Variants in NEXN observed in about 807,000 individuals in gnomAD.
NEXN encodes the protein nexilin.
Under a neutral mutation model 92.6 loss-of-function variants are expected in NEXN, and 65 were observed. The observed-to-expected ratio is 0.70, with a 90% CI of 0.57 to 0.86. The LOEUF (loss-of-function observed/expected upper bound fraction) is 0.86, where lower values mean the gene tolerates loss of function less well. Ranked by LOEUF, NEXN falls within the 40% of genes least tolerant of loss-of-function variation. The probability of loss-of-function intolerance (pLI) is 0.00; values close to 1 mark genes in which losing one functional copy is unlikely to be tolerated. For missense variants in NEXN, 778 were observed against 771.1 expected (o/e 1.01, Z -0.11); for synonymous variants, 254 against 242.5 (o/e 1.05, Z -0.44).
Position 77,935,833 on chromosome 1 carries a change from A to C in NEXN, c.1262A>C (p.Glu421Ala). ...TAATTTTTTTTGAAGGAAGAGGAAG[A>C]AAATGAAACCTTTGGATTGAGCAGA... ...LRQEMGEEEEENETFGLSREY... is the reference protein window; with the variant it reads ...LRQEMGEEEEANETFGLSREY... Residue 421 changes from glutamate to alanine, a missense_variant, in exon 11 of 13, where the codon GAA (glutamate) becomes GCA (alanine). This residue lies in a region of NEXN where 532 missense variants were observed against 476.7 expected (regional missense o/e 1.12). Transcript: ENST00000334785. 6.2e-7 allele frequency: 1 copy of C among 1,612,094 alleles called. No homozygotes were observed. Among genetic ancestry groups the C allele is most frequent in the Non-Finnish European group, 8.5e-7 (1 of 1,179,590 alleles).
chr1:77,905,139 G>C (rs1412448005), intron 1 of NEXN, among the ~76,000 whole-genome samples: 3 of 152,106 alleles, frequency 2.0e-5, no homozygotes, highest in Non-Finnish European at 4.4e-5. Flanking sequence ...GTGCGTGCTT[G>C]TAGTCCTAGC....
intron 1 of NEXN, among the ~76,000 whole-genome samples, chr1:77,903,289 C>A (rs1647860000): frequency 6.6e-6 from 1 of 151,422 alleles, no homozygotes; most frequent in South Asian, 2.1e-4. Flanking sequence ...CTTTTAAAAC[C>A]TATTTTTTTT....
At chr1:77,939,632 G>A (rs1651085376) in intron 11 of NEXN, among the ~76,000 whole-genome samples, 1 of 152,140 alleles carries the variant, frequency 6.6e-6, no homozygotes, top group Admixed American at 6.5e-5. Flanking sequence ...GCTATTACTG[G>A]CTCTCTAGTA....
intron 1 of NEXN, among the ~76,000 whole-genome samples, chr1:77,895,799 A>G (rs867068997): frequency 1.1e-4 from 17 of 152,166 alleles, no homozygotes; most frequent in Middle Eastern, 6.8e-3. Context: ...TGGGAGGTGG[A>G]GGTTGCAGTG....
rs1400773161 is a variant in NEXN at position 77,942,914 on chromosome 1, C to A, written c.*85C>A. The A allele has an allele frequency of 1.3e-6, 2 of 1,482,130 alleles. No individual in the cohort carries two copies. Among genetic ancestry groups the A allele is most frequent in the African/African-American group, 2.8e-5 (2 of 71,436 alleles). 91.8% of individuals were successfully genotyped at this position (1,482,130 alleles called of 1,614,324 possible). On this transcript the variant is annotated 3_prime_UTR_variant, in exon 13 of 13. Coordinates refer to ENST00000334785, the MANE Select transcript of NEXN (RefSeq NM_144573.4). Reference sequence around the variant, plus strand: ...CTCTTTTTTAGCTGATGACTACTAGCTCCCCTCCCCTCTCCCTGGAACTTT... The same window carrying A: ...CTCTTTTTTAGCTGATGACTACTAGATCCCCTCCCCTCTCCCTGGAACTTT...
At chr1:77,897,428 A>T in intron 1 of NEXN, among the ~76,000 whole-genome samples, 1 of 152,264 alleles carries the variant, frequency 6.6e-6, no homozygotes, top group East Asian at 1.9e-4. Context: ...ATTTCAATAG[A>T]TGCAGAAAAG....
At position 77,900,554 on chromosome 1, in the gene NEXN, C is replaced by A. The variant is rs568682961; in HGVS notation, c.-53+11795C>A. ...AAAATAATGTATTGTAAATACAGAC[C>A]TCATCTGTCAAATTTGAAAAAATGC... On this transcript the variant is annotated intron_variant, in intron 1 of 12. Transcript: ENST00000334785. 8.5e-5 allele frequency among the ~76,000 whole-genome samples: 13 copies of A among 152,204 alleles called. No homozygotes were observed. In the East Asian group the frequency reaches 2.3e-3, roughly 27 times the overall value.
chr1:77,923,317 ATTTC>A (rs765430654), intron 5 of NEXN, among the ~76,000 whole-genome samples: 26 of 151,860 alleles, frequency 1.7e-4, no homozygotes, highest in Middle Eastern at 3.4e-3. Flanking sequence ...AAAATGTATT[ATTTC>A]TTTCTTGAGA....
intron 1 of NEXN, among the ~76,000 whole-genome samples, chr1:77,902,987 T>C (rs956569928): frequency 7.2e-5 from 11 of 151,886 alleles, no homozygotes; most frequent in African/African-American, 2.7e-4. Context: ...AGCTGGAAGG[T>C]TGAAAAAATG....
chr1:77,931,228 ATAC>A (rs371121744), intron 9 of NEXN, among the ~76,000 whole-genome samples: 4 of 83,632 alleles, frequency 4.8e-5, no homozygotes, highest in African/African-American at 1.7e-4. Flanking sequence ...TCTACTAAAA[ATAC>A]AAAAAAAAAA....
chr1:77,937,452 G>A (rs138208488), intron 11 of NEXN, among the ~76,000 whole-genome samples: 4,125 of 152,306 alleles, frequency 0.027, 95 homozygotes, highest in South Asian at 0.11. Flanking sequence ...CACTTTGGGA[G>A]GCCGAGGTGG....
Position 77,926,615 on chromosome 1 carries a change from A to C in NEXN, c.687+4A>C, listed in dbSNP as rs754061340. ...AAAGTGTCTTTCATTAGTTATGGTAAATTTTTGTTTGTTTGTTTTCTAAGA... is the reference window on the plus strand; with the variant it reads ...AAAGTGTCTTTCATTAGTTATGGTACATTTTTGTTTGTTTGTTTTCTAAGA... On this transcript the variant is annotated splice_donor_region_variant and intron_variant, in intron 7 of 12. Transcript: ENST00000334785. 3.1e-6 allele frequency: 5 copies of C among 1,613,786 alleles called. No homozygotes were observed. The highest frequency in any genetic ancestry group is 4.2e-6 in the Non-Finnish European group (5 of 1,179,940).
chr1:77,902,168 G>A (rs747874142), intron 1 of NEXN, among the ~76,000 whole-genome samples: 1 of 151,812 alleles, frequency 6.6e-6, no homozygotes, highest in Non-Finnish European at 1.5e-5. Context: ...TTTATTCTTA[G>A]TTCTGTCATA....
chr1:77,927,120 G>A (rs779125951), intron 8 of NEXN, among the ~76,000 whole-genome samples: 2 of 152,038 alleles, frequency 1.3e-5, no homozygotes, highest in Non-Finnish European at 2.9e-5. Context: ...TCAGGAGTTT[G>A]AAACCAGCCT....
At chr1:77,935,204 AT>A (rs1216131847) in intron 10 of NEXN, among the ~76,000 whole-genome samples, 11 of 152,130 alleles carry the variant, frequency 7.2e-5, no homozygotes, top group African/African-American at 2.7e-4. Context: ...TGCCCGGCTA[AT>A]TTTTGTATTT....
At chr1:77,907,152 A>G (rs1648178778) in intron 1 of NEXN, among the ~76,000 whole-genome samples, 1 of 152,212 alleles carries the variant, frequency 6.6e-6, no homozygotes, top group Non-Finnish European at 1.5e-5. Flanking sequence ...GTGGGTTTAG[A>G]TAGGATAATA....
chr1:77,899,036 A>G (rs1647467847), intron 1 of NEXN, among the ~76,000 whole-genome samples: 1 of 152,242 alleles, frequency 6.6e-6, no homozygotes, highest in African/African-American at 2.4e-5. Context: ...GTGGAGAAAT[A>G]GGAACACTTT....
At chr1:77,920,850 G>A (rs931592205) in intron 5 of NEXN, among the ~76,000 whole-genome samples, 2 of 151,970 alleles carry the variant, frequency 1.3e-5, no homozygotes, top group African/African-American at 4.8e-5. Context: ...AGTTGATTTG[G>A]GAAGAAGCAA....
At chr1:77,916,671 G>A (rs1254598237) in intron 2 of NEXN, among the ~76,000 whole-genome samples, 1 of 152,130 alleles carries the variant, frequency 6.6e-6, no homozygotes, top group African/African-American at 2.4e-5. Context: ...TAAAATACAA[G>A]TTGGATGTGC....
Sources: gnomAD v4.1 joint callset for allele counts (sites outside exome capture counted in the v4.1 genomes callset) on GRCh38, gnomAD v4.1.1 for gene constraint, gnomAD v4.1.1 regional missense constraint, MANE v1.5 for transcripts, NCBI Gene and HGNC (gene_info 2026-07-23, HGNC 2026-07-21) for gene names.